FGF16: variants seen among roughly 807,000 people sequenced by gnomAD.
The protein encoded by FGF16 is metacarpal 4-5 fusion.
In FGF16, 2 loss-of-function variants were observed where a neutral mutation model predicts 8.5. The observed-to-expected ratio is 0.24, with a 90% CI of 0.10 to 0.75. The LOEUF is 0.75. FGF16 is among the 30% of genes least tolerant of loss of function. The pLI is 0.74. For missense variants in FGF16, 79 were observed against 87.4 expected (o/e 0.90, Z 0.38); for synonymous variants, 33 against 34.6 (o/e 0.95, Z 0.16).
At position 77,447,527 on chromosome X, in the gene FGF16, G is replaced by A. The variant is rs2062544811; in HGVS notation, c.-148G>A. On this transcript the variant is annotated 5_prime_UTR_variant, in exon 1 of 3. Coordinates refer to ENST00000439435, the MANE Select transcript of FGF16 (RefSeq NM_003868.3). ...CCTTGGACGCGAACAGACGTCGACT[G>A]CAGCTCGGCAGAGCGCGGAGCAAGC... 3 of 282,334 alleles carry A rather than the reference G, an allele frequency of 1.1e-5. No individual in the cohort carries two copies. The highest frequency in any genetic ancestry group is 1.9e-5 in the Non-Finnish European group (3 of 161,395). 23.3% of individuals were successfully genotyped at this position (282,334 alleles called of 1,213,427 possible).
intron 1 of FGF16, among the ~76,000 whole-genome samples, chrX:77,451,622 C>T (rs1293955072): frequency 8.9e-6 from 1 of 112,303 alleles, no homozygotes; most frequent in Non-Finnish European, 1.9e-5. Flanking sequence ...TCCTCCCTCC[C>T]TTTTGTTAGT....
Position 77,456,300 on chromosome X carries a change from T to C in FGF16, c.402T>C (p.Val134=), listed in dbSNP as rs1213854999. 8.3e-7 allele frequency: 1 copy of C among 1,208,305 alleles called. No homozygotes were observed. Among genetic ancestry groups the C allele is most frequent in the African/African-American group, 1.7e-5 (1 of 57,221 alleles). ...YGSKKLTREC[V]FREQFEENWY... ...AGAAGAAACTCACACGTGAATGTGT[T>C]TTCCGGGAACAGTTTGAAGAAAACT... The change falls in exon 3 of 3, where the codon GTT becomes GTC. Residue 134 remains valine (V), a synonymous_variant. Transcript: ENST00000439435.
intron 1 of FGF16, among the ~76,000 whole-genome samples, chrX:77,452,509 T>G (rs1245673310): frequency 8.9e-6 from 1 of 112,625 alleles, no homozygotes; most frequent in African/African-American, 3.2e-5. Context: ...AGGATTTCAG[T>G]GTGAGAGGCC....
At chrX:77,452,167 G>T (rs2062558882) in intron 1 of FGF16, among the ~76,000 whole-genome samples, 1 of 111,917 alleles carries the variant, frequency 8.9e-6, no homozygotes, top group African/African-American at 3.3e-5. Context: ...TAGTTTGCTG[G>T]AGCCACTCCA....
chrX:77,454,387 A>C, intron 2 of FGF16, 127 bp downstream of exon 2: 3 of 401,970 alleles, frequency 7.5e-6, no homozygotes, highest in East Asian at 4.9e-5. Flanking sequence ...ATGGTGGCTC[A>C]CGCCTGTAAT....
chrX:77,450,833 G>T (rs1281653063), intron 1 of FGF16, among the ~76,000 whole-genome samples: 2 of 112,000 alleles, frequency 1.8e-5, no homozygotes, highest in Admixed American at 1.9e-4. Flanking sequence ...GGCAGGTCAA[G>T]ATGAGGCAGA....
At chrX:77,451,534 A>G (rs1557026675) in intron 1 of FGF16, among the ~76,000 whole-genome samples, 1 of 111,013 alleles carries the variant, frequency 9.0e-6, no homozygotes, top group African/African-American at 3.3e-5. Context: ...CTGTTTTTCC[A>G]TTTTCTTCTC....
At chrX:77,454,423 G>A (rs1297491991) in intron 2 of FGF16, among the ~76,000 whole-genome samples, 163 bp downstream of exon 2, 2 of 106,644 alleles carry the variant, frequency 1.9e-5, no homozygotes, top group African/African-American at 6.9e-5. Context: ...GGCTGAGGTG[G>A]GCGGATCACA....
intron 1 of FGF16, among the ~76,000 whole-genome samples, chrX:77,449,519 T>C (rs2062550929): frequency 9.0e-6 from 1 of 110,793 alleles, no homozygotes; most frequent in Admixed American, 9.6e-5. Flanking sequence ...TGCCGATATG[T>C]AACCAAAAAA....
intron 1 of FGF16, among the ~76,000 whole-genome samples, chrX:77,452,024 G>A (rs1557026718): frequency 1.8e-5 from 2 of 112,230 alleles, no homozygotes; most frequent in Non-Finnish European, 3.8e-5. Flanking sequence ...AATAGGACAT[G>A]ATCTAAGCAG....
rs1227108701 is a variant in FGF16 at position 77,447,574 on chromosome X, C to T, written c.-101C>T. The T allele has an allele frequency of 1.7e-5, 5 of 287,996 alleles. No homozygotes were observed. The highest frequency in any genetic ancestry group is 3.0e-5 in the Non-Finnish European group (5 of 164,702). The allele number at this position is 287,996 out of a possible 1,213,427, so 23.7% of individuals were successfully genotyped here. On this transcript the variant is annotated 5_prime_UTR_variant, in exon 1 of 3. Coordinates refer to ENST00000439435, the MANE Select transcript of FGF16 (RefSeq NM_003868.3). ...AAGCGAGCTAGCGAGGGAGCGCCGC[C>T]GAACCGCCCGCGCCCGCTGCGGGGA...
intron 1 of FGF16, among the ~76,000 whole-genome samples, chrX:77,453,263 G>C (rs1303666159): frequency 2.7e-5 from 3 of 111,532 alleles, no homozygotes; most frequent in Non-Finnish European, 5.6e-5. Context: ...GATAATAGAC[G>C]TACTATCTTG....
In FGF16 at chrX:77,447,425, T is replaced by G; in HGVS notation, c.-250T>G. The G allele has an allele frequency of 3.9e-6, 1 of 254,806 alleles. No individual in the cohort carries two copies. The allele number at this position is 254,806 out of a possible 1,213,427, so 21.0% of individuals were successfully genotyped here. ...GCTATGAGAGGCCGGGGGAGATGGATGCGGAGGGGAAGAGGCACTTTGACT... is the reference window on the plus strand; with the variant it reads ...GCTATGAGAGGCCGGGGGAGATGGAGGCGGAGGGGAAGAGGCACTTTGACT... On this transcript the variant is annotated 5_prime_UTR_variant, in exon 1 of 3. An upstream start codon of the reference 5' UTR is lost. Coordinates refer to ENST00000439435, the MANE Select transcript of FGF16 (RefSeq NM_003868.3).
intron 2 of FGF16, among the ~76,000 whole-genome samples, chrX:77,455,843 C>A (rs2062570275): frequency 8.9e-6 from 1 of 112,029 alleles, no homozygotes; most frequent in Admixed American, 9.5e-5. Context: ...TCACAGCTCA[C>A]CTCCCATGGA....
At chrX:77,449,002 C>T (rs191078931) in intron 1 of FGF16, among the ~76,000 whole-genome samples, 1 of 111,252 alleles carries the variant, frequency 9.0e-6, no homozygotes, top group Admixed American at 9.5e-5. Flanking sequence ...TCTGCCTACA[C>T]TCAGACATGA....
rs782233147 is a variant in FGF16, at chrX:77,456,294, A to T, written c.396A>T (p.Glu132Asp). ...ELYGSKKLTR[E>D]CVFREQFEEN... is the part of the protein sequence containing the mutation. Reference sequence around the variant, plus strand: ...CCTCACAGAAGAAACTCACACGTGAATGTGTTTTCCGGGAACAGTTTGAAG... The same window carrying T: ...CCTCACAGAAGAAACTCACACGTGATTGTGTTTTCCGGGAACAGTTTGAAG... The change falls in exon 3 of 3, where the codon GAA (glutamate) becomes GAT (aspartate). Residue 132 changes from glutamate to aspartate, a missense_variant. By Grantham distance (45) the Glu-to-Asp change is conservative. Coordinates refer to ENST00000439435, the MANE Select transcript of FGF16 (RefSeq NM_003868.3). 1.7e-6 allele frequency: 2 copies of T among 1,209,931 alleles called. No individual in the cohort carries two copies. Among genetic ancestry groups the T allele is most frequent in the Non-Finnish European group, 2.2e-6 (2 of 893,666 alleles).
Position 77,447,521 on chromosome X carries a change from T to C in FGF16, c.-154T>C, listed in dbSNP as rs1434240349. 3.6e-6 allele frequency: 1 copy of C among 281,272 alleles called. No individual in the cohort carries two copies. The highest frequency in any genetic ancestry group is 2.8e-5 in the African/African-American group (1 of 35,799). The allele number at this position is 281,272 out of a possible 1,213,427, so 23.2% of individuals were successfully genotyped here. ...GAAGTTCCTTGGACGCGAACAGACG[T>C]CGACTGCAGCTCGGCAGAGCGCGGA... On this transcript the variant is annotated 5_prime_UTR_variant, in exon 1 of 3. Transcript: ENST00000439435.
At chrX:77,448,294 G>A (rs1254186558) in intron 1 of FGF16, among the ~76,000 whole-genome samples, 1 of 112,838 alleles carries the variant, frequency 8.9e-6, no homozygotes, top group Non-Finnish European at 1.9e-5. Context: ...CTAGGAGGCC[G>A]GGACCGTGGC....
intron 1 of FGF16, among the ~76,000 whole-genome samples, chrX:77,449,287 G>A (rs2062550309): frequency 9.0e-6 from 1 of 111,585 alleles, no homozygotes; most frequent in South Asian, 3.8e-4. Context: ...ACAGTAGGTT[G>A]GGAGGGGTAA....
Sources: allele counts gnomAD v4.1 joint callset (sites outside exome capture counted in the v4.1 genomes callset), GRCh38; gene constraint gnomAD v4.1.1; transcripts MANE v1.5; gene names NCBI Gene and HGNC (gene_info 2026-07-23, HGNC 2026-07-21).